PLCH1: variants seen among roughly 807,000 people sequenced by gnomAD.
The protein encoded by PLCH1 is 1-phosphatidylinositol 4,5-bisphosphate phosphodiesterase eta-1.
In PLCH1, 60 loss-of-function variants were observed where a neutral mutation model predicts 126.7. The observed-to-expected ratio is 0.47, with a 90% CI of 0.38 to 0.59. PLCH1 has a LOEUF of 0.59. PLCH1 is among the 20% of genes least tolerant of loss of function. The pLI, the probability that PLCH1 is intolerant of heterozygous loss-of-function variation, is 0.00. For missense variants in PLCH1, 1,723 were observed against 2,040.0 expected, an observed-to-expected ratio of 0.84 and a Z score of 2.99; for synonymous variants, 719 against 734.9, an observed-to-expected ratio of 0.98 and a Z score of 0.35.
intron 21 of PLCH1, among the ~76,000 whole-genome samples, chr3:155,458,305 G>A (rs1262728066): frequency 1.5e-5 from 2 of 136,278 alleles, no homozygotes; most frequent in Non-Finnish European, 3.0e-5. Context: ...TTGCACCACT[G>A]CACTCCAGCC....
intron 12 of PLCH1, among the ~76,000 whole-genome samples, chr3:155,510,837 G>C (rs1233395235): frequency 1.1e-5 from 1 of 92,498 alleles, no homozygotes; most frequent in Non-Finnish European, 1.9e-5. Context: ...ATGTGTCTTG[G>C]AGTTGCTCTT....
intron 21 of PLCH1, chr3:155,457,463 A>G (rs771005011): frequency 1.3e-5 from 2 of 152,120 alleles, no homozygotes; most frequent in Non-Finnish European, 2.9e-5. Context: ...AGCACTAACA[A>G]TTCTGAGGGT....
intron 2 of PLCH1, among the ~76,000 whole-genome samples, chr3:155,691,277 T>C (rs989947121): frequency 6.6e-6 from 1 of 152,230 alleles, no homozygotes; most frequent in African/African-American, 2.4e-5. Flanking sequence ...GAGGTAATGC[T>C]ACTCCAAAGA....
At chr3:155,589,984 G>A (rs990157177) in intron 4 of PLCH1, among the ~76,000 whole-genome samples, 18 of 152,188 alleles carry the variant, frequency 1.2e-4, no homozygotes, top group African/African-American at 4.3e-4. Flanking sequence ...CACAGGCAGA[G>A]TGGGGGCTGG....
At chr3:155,531,813 T>C (rs377382536) in intron 10 of PLCH1, among the ~76,000 whole-genome samples, 1 of 152,242 alleles carries the variant, frequency 6.6e-6, no homozygotes, top group African/African-American at 2.4e-5. Context: ...ACTTTTCTTC[T>C]GCAGCTTCCT....
chr3:155,717,946 T>C (rs2109126118), intron 1 of PLCH1, among the ~76,000 whole-genome samples: 1 of 152,312 alleles, frequency 6.6e-6, no homozygotes, highest in Admixed American at 6.5e-5. Flanking sequence ...ACTCTTAAGC[T>C]CTGCTTGCTA....
At chr3:155,513,852 A>G (rs948090577) in intron 12 of PLCH1, among the ~76,000 whole-genome samples, 4 of 152,200 alleles carry the variant, frequency 2.6e-5, no homozygotes, top group African/African-American at 9.7e-5. Context: ...TGTTTCAGGA[A>G]GGACACTTAC....
At chr3:155,488,995 T>C (rs1420552978) in intron 19 of PLCH1, among the ~76,000 whole-genome samples, 189 bp from the exon 20 acceptor site, 1 of 152,180 alleles carries the variant, frequency 6.6e-6, no homozygotes, top group African/African-American at 2.4e-5. Flanking sequence ...TGCTAGAAAA[T>C]AATTGGTAAG....
chr3:155,516,384 A>T (rs112173225), intron 11 of PLCH1, among the ~76,000 whole-genome samples: 1 of 152,354 alleles, frequency 6.6e-6, no homozygotes, highest in Non-Finnish European at 1.5e-5. Context: ...GATGGAAAGA[A>T]GGGCTTTCCT....
chr3:155,573,636 C>T (rs1311848549), intron 6 of PLCH1, among the ~76,000 whole-genome samples: 1 of 152,192 alleles, frequency 6.6e-6, no homozygotes, highest in Non-Finnish European at 1.5e-5. Context: ...ACAGTTCCAA[C>T]AGGGTGAGGA....
intron 14 of PLCH1, among the ~76,000 whole-genome samples, chr3:155,499,128 C>G (rs1378949361): frequency 6.6e-6 from 1 of 152,258 alleles, no homozygotes; most frequent in African/African-American, 2.4e-5. Flanking sequence ...AAGAGGTATT[C>G]CATTGTAGTT....
Position 155,716,857 on chromosome 3 carries a change from A to T in PLCH1, c.-40-12593T>A, listed in dbSNP as rs375875454. 5.9e-5 allele frequency among the ~76,000 whole-genome samples: 9 copies of T among 152,314 alleles called. 1 individual carries two copies. Among genetic ancestry groups the T allele is most frequent in the Admixed American group, 6.5e-5 (1 of 15,296 alleles). On this transcript the variant is annotated intron_variant, in intron 1 of 22. Transcript: ENST00000460012. ...AATAATGTCTTCCCAACAGTCTCCC[A>T]AAGTCTTAACTCATTCCAGCATGAA...
intron 7 of PLCH1, among the ~76,000 whole-genome samples, chr3:155,566,252 TATATATACACATATATATAC>T (rs1372375394): frequency 2.8e-5 from 2 of 72,486 alleles, no homozygotes; most frequent in Admixed American, 2.1e-4. Context: ...TATATATACG[TATATATACACATATATATAC>T]ATATATACAT....
At chr3:155,492,608 G>T in intron 18 of PLCH1, 121 bp downstream of exon 18, 1 of 794,682 alleles carries the variant, frequency 1.3e-6, no homozygotes, top group Non-Finnish European at 1.8e-6. Context: ...TGTCTGATAA[G>T]CTGAGGTCAG....
chr3:155,575,479 G>A (rs1230035498), intron 6 of PLCH1, among the ~76,000 whole-genome samples: 1 of 152,136 alleles, frequency 6.6e-6, no homozygotes, highest in African/African-American at 2.4e-5. Flanking sequence ...GTAATGTATA[G>A]ATCTATATCA....
At chr3:155,514,912 T>C (rs1403041713) in intron 11 of PLCH1, 28 bp from the exon 12 acceptor site, 2 of 1,504,194 alleles carry the variant, frequency 1.3e-6, no homozygotes, top group Admixed American at 3.8e-5. Context: ...ACACAAATGA[T>C]TTCCTTAAGA....
intron 2 of PLCH1, among the ~76,000 whole-genome samples, chr3:155,649,136 C>A (rs75055652): frequency 6.6e-6 from 1 of 152,040 alleles, no homozygotes; most frequent in African/African-American, 2.4e-5. Context: ...ATTCGAGAAA[C>A]CCAGGCACAC....
intron 22 of PLCH1, 156 bp from the exon 23 acceptor site, chr3:155,483,207 T>C: frequency 1.1e-6 from 1 of 899,646 alleles, no homozygotes; most frequent in East Asian, 2.5e-5. Context: ...ACAAAGTGTC[T>C]GTGTGATGAA....
At chr3:155,665,179 A>G (rs1415060763) in intron 2 of PLCH1, among the ~76,000 whole-genome samples, 1 of 152,176 alleles carries the variant, frequency 6.6e-6, no homozygotes, top group Non-Finnish European at 1.5e-5. Flanking sequence ...CAGAACCACA[A>G]GACAGAAGCA....
Sources: gnomAD v4.1 joint callset for allele counts (sites outside exome capture counted in the v4.1 genomes callset) on GRCh38, gnomAD v4.1.1 for gene constraint, MANE v1.5 for transcripts, NCBI Gene and HGNC (gene_info 2026-07-23, HGNC 2026-07-21) for gene names.